Variants in RNF32 observed in about 807,000 individuals in gnomAD.
RNF32 encodes the protein ring finger protein 32.
In RNF32, 36 loss-of-function variants were observed where a neutral mutation model predicts 41.0. The observed-to-expected ratio is 0.88, with a 90% CI of 0.67 to 1.16. The LOEUF is 1.16. Among genes scored for constraint, RNF32 ranks in the 50% most tolerant of loss-of-function variants. The probability of loss-of-function intolerance (pLI) is 0.00; values close to 1 mark genes in which losing one functional copy is unlikely to be tolerated. For synonymous variants in RNF32, 154 were observed against 160.9 expected (o/e 0.96, Z 0.32); for missense variants, 413 against 436.7 (o/e 0.95, Z 0.48).
intron 7 of RNF32, among the ~76,000 whole-genome samples, chr7:156,672,954 A>G (rs1290035153): frequency 1.3e-5 from 2 of 152,258 alleles, no homozygotes; most frequent in Non-Finnish European, 2.9e-5. Flanking sequence ...GCTGTAAAGC[A>G]TATCGCAGGG....
At chr7:156,659,389 C>T (rs1743717964) in intron 7 of RNF32, 11 of 985,796 alleles carry the variant, frequency 1.1e-5, no homozygotes, top group African/African-American at 1.7e-5. Context: ...AGAGATCATT[C>T]GTCTCGGGTG....
intron 1 of RNF32, among the ~76,000 whole-genome samples, chr7:156,641,834 G>C (rs1389959404): frequency 1.3e-5 from 2 of 152,206 alleles, no homozygotes; most frequent in African/African-American, 4.8e-5. Context: ...TCCAAGTTCA[G>C]TTGTCTTGAT....
In RNF32 at chr7:156,658,260, C is replaced by T. The variant is rs201954299; in HGVS notation, c.575+8C>T. On this transcript the variant is annotated splice_region_variant and intron_variant, in intron 6 of 8. Coordinates refer to ENST00000317955, the MANE Select transcript of RNF32 (RefSeq NM_030936.4). Reference sequence around the variant, plus strand: ...AATCAAGTGTGTGACCAGGTGAGGACGCCAGGCCCGTTTGGCGCTAAGCAG... The same window carrying T: ...AATCAAGTGTGTGACCAGGTGAGGATGCCAGGCCCGTTTGGCGCTAAGCAG... 1.0e-3 allele frequency: 1,667 copies of T among 1,612,626 alleles called. 1 individual carries two copies. The highest frequency in any genetic ancestry group is 1.3e-3 in the Non-Finnish European group (1,575 of 1,179,646).
intron 3 of RNF32, among the ~76,000 whole-genome samples, chr7:156,648,030 T>TG (rs1186484372): frequency 8.4e-5 from 4 of 47,408 alleles, no homozygotes; most frequent in African/African-American, 4.4e-4. Flanking sequence ...GGATTATTTG[T>TG]TTTTTTTTTT....
intron 3 of RNF32, among the ~76,000 whole-genome samples, chr7:156,647,559 C>T (rs1798134570): frequency 6.6e-6 from 1 of 152,176 alleles, no homozygotes; most frequent in South Asian, 2.1e-4. Context: ...ATATATACCA[C>T]ATTTTCTTTA....
At chr7:156,646,606 G>A in intron 3 of RNF32, 7 of 807,002 alleles carry the variant, frequency 8.7e-6, no homozygotes, top group Non-Finnish European at 1.2e-5. Flanking sequence ...AGTACATCAA[G>A]TATGTCCCTG....
chr7:156,658,111 G>A lies in RNF32; in HGVS notation c.451-17G>A. 6.2e-7 allele frequency: 1 copy of A among 1,607,474 alleles called. No homozygotes were observed. The highest frequency in any genetic ancestry group is 8.5e-7 in the Non-Finnish European group (1 of 1,177,396). On this transcript the variant is annotated splice_polypyrimidine_tract_variant and intron_variant, in intron 5 of 8. Coordinates refer to ENST00000317955, the MANE Select transcript of RNF32 (RefSeq NM_030936.4). ...AGTAATTACTTGTAAAATTTTAAGT[G>A]AAATGTTTTTCTTCAGGCATGTCTT...
intron 7 of RNF32, among the ~76,000 whole-genome samples, chr7:156,673,198 C>G (rs1354327097): frequency 2.6e-5 from 4 of 152,194 alleles, no homozygotes; most frequent in Non-Finnish European, 2.9e-5. Context: ...AAGGTCTGGA[C>G]TAGAATGTGA....
At chr7:156,659,079 T>C (rs1800196496) in intron 7 of RNF32, 24 of 1,360,638 alleles carry the variant, frequency 1.8e-5, no homozygotes, top group Non-Finnish European at 1.3e-5. Context: ...ATTTATGCTT[T>C]AGTTTTACTT....
chr7:156,640,335 T>C (rs1269932556), upstream of RNF32: 3 of 450,090 alleles, frequency 6.7e-6, no homozygotes, highest in Non-Finnish European at 1.3e-5. Context: ...CAGGCCCAGG[T>C]GGGCGGGCGG....
intron 8 of RNF32, 101 bp downstream of exon 8, chr7:156,675,964 G>A: frequency 8.2e-7 from 1 of 1,226,250 alleles, no homozygotes; most frequent in Non-Finnish European, 1.2e-6. Context: ...ACTTTGGGGA[G>A]CCTAGGAGTG....
At chr7:156,671,286 T>C (rs2365509) in intron 7 of RNF32, among the ~76,000 whole-genome samples, 91,168 of 152,026 alleles carry the variant, frequency 0.6, 28,998 homozygotes, top group African/African-American at 0.81. Flanking sequence ...CCAATCAGAT[T>C]ATGTATGTGT....
rs1363487185 is a variant in RNF32, at chr7:156,656,429, A to G, written c.418-1112A>G. ...GATAAAACACTGAAAAGTATTCTAT[A>G]AAGAATGAATTAAGTATAGAAAAGA... On this transcript the variant is annotated intron_variant, in intron 4 of 8. Transcript: ENST00000317955. Among the ~76,000 whole-genome samples the G allele has an allele frequency of 3.3e-5, 5 of 152,358 alleles. No individual in the cohort carries two copies. The South Asian group carries it at 1.0e-3, about 32-fold the overall frequency.
chr7:156,654,937 A>C, intron 4 of RNF32: 1 of 432,528 alleles, frequency 2.3e-6, no homozygotes, highest in Admixed American at 3.6e-5. Context: ...ATTCTCAAGT[A>C]CTAAAGTTTG....
intron 3 of RNF32, among the ~76,000 whole-genome samples, chr7:156,651,019 T>TTC (rs1457998718): frequency 6.6e-6 from 1 of 152,158 alleles, no homozygotes; most frequent in Non-Finnish European, 1.5e-5. Context: ...CTGCACACCA[T>TTC]TCTCCATAGC....
At chr7:156,666,242 T>G (rs1445142143) in intron 7 of RNF32, among the ~76,000 whole-genome samples, 1 of 152,238 alleles carries the variant, frequency 6.6e-6, no homozygotes, top group East Asian at 1.9e-4. Context: ...AGCCATTCTG[T>G]TTTTATAAAT....
intron 3 of RNF32, chr7:156,646,603 C>A: frequency 2.4e-6 from 2 of 839,052 alleles, no homozygotes; most frequent in Non-Finnish European, 1.7e-6. Flanking sequence ...CCCAGTACAT[C>A]AAGTATGTCC....
chr7:156,647,581 G>T (rs1798135554), intron 3 of RNF32, among the ~76,000 whole-genome samples: 1 of 152,118 alleles, frequency 6.6e-6, no homozygotes. Flanking sequence ...CCACTCATTG[G>T]TTCATGGGCA....
chr7:156,640,566 G>T, upstream of RNF32: 1 of 398,934 alleles, frequency 2.5e-6, no homozygotes, highest in Non-Finnish European at 4.9e-6. Context: ...CGTGCGCGGG[G>T]CGGGGGCCGG....
Sources: gnomAD v4.1 joint callset for allele counts (sites outside exome capture counted in the v4.1 genomes callset) on GRCh38, gnomAD v4.1.1 for gene constraint, MANE v1.5 for transcripts, NCBI Gene and HGNC (gene_info 2026-07-23, HGNC 2026-07-21) for gene names.